MRPL13: variants seen among roughly 807,000 people sequenced by gnomAD.
MRPL13 encodes the protein mitochondrial ribosomal protein L13.
Under a neutral mutation model 29.0 loss-of-function variants are expected in MRPL13, and 33 were observed. The ratio of observed to expected loss-of-function variants is 1.14; its 90% confidence interval spans 0.86 to 1.52. The LOEUF is 1.52. MRPL13 is among the 40% of genes most tolerant of loss of function. MRPL13 has a pLI of 0.00. For synonymous variants in MRPL13, 77 were observed against 68.4 expected (o/e 1.13, Z -0.62); for missense variants, 227 against 216.7 (o/e 1.05, Z -0.30).
In MRPL13 at chr8:120,433,369, G is replaced by A. The variant is rs375973858; in HGVS notation, c.152-1246C>T. 1.3e-3 allele frequency among the ~76,000 whole-genome samples: 191 copies of A among 152,194 alleles called. 1 individual carries two copies. Among genetic ancestry groups the A allele is most frequent in the African/African-American group, 4.4e-3 (181 of 41,554 alleles). On this transcript the variant is annotated intron_variant, in intron 2 of 6. Coordinates refer to ENST00000306185, the MANE Select transcript of MRPL13 (RefSeq NM_014078.6). ...GCAGAAGAAGATTAAGTGATTTGCA[G>A]AGGCTCACACGCTAAGTTACCTAAC...
chr8:120,425,160 T>G, intron 4 of MRPL13, 146 bp downstream of exon 4: 1 of 532,988 alleles, frequency 1.9e-6, no homozygotes, highest in Non-Finnish European at 3.2e-6. Context: ...AAAATAATAC[T>G]TATCAAAACG....
intron 6 of MRPL13, among the ~76,000 whole-genome samples, chr8:120,411,658 CTATT>C (rs1208733218): frequency 6.6e-6 from 1 of 152,110 alleles, no homozygotes; most frequent in African/African-American, 2.4e-5. Flanking sequence ...ATGCGTGTGA[CTATT>C]TATGAGGAAA....
intron 6 of MRPL13, among the ~76,000 whole-genome samples, chr8:120,400,884 C>T (rs1218696904): frequency 6.6e-6 from 1 of 151,728 alleles, no homozygotes; most frequent in African/African-American, 2.4e-5. Context: ...GCTCTATACA[C>T]ATAAAGTAGA....
intron 6 of MRPL13, among the ~76,000 whole-genome samples, chr8:120,398,193 A>G (rs1305390752): frequency 6.6e-6 from 1 of 152,192 alleles, no homozygotes; most frequent in African/African-American, 2.4e-5. Flanking sequence ...TGACTGGGTG[A>G]GACCTCCCAA....
At chr8:120,414,745 T>C (rs1443923028) in intron 5 of MRPL13, 1 of 152,246 alleles carries the variant, frequency 6.6e-6, no homozygotes, top group African/African-American at 2.4e-5. Context: ...GACACAACCA[T>C]GGTTTCTGTC....
At chr8:120,422,826 T>C (rs931568085) in intron 4 of MRPL13, among the ~76,000 whole-genome samples, 7 of 151,788 alleles carry the variant, frequency 4.6e-5, no homozygotes, top group Non-Finnish European at 7.4e-5. Flanking sequence ...TATAGCCCAA[T>C]TCACTTAGCC....
At position 120,440,701 on chromosome 8, in the gene MRPL13, A is replaced by G. The variant is rs534457399; in HGVS notation, c.151+2484T>C. Among the ~76,000 whole-genome samples, 90 of 151,754 alleles carry G rather than the reference A, an allele frequency of 5.9e-4. 1 individual carries two copies. The highest frequency in any genetic ancestry group is 2.0e-3 in the African/African-American group (85 of 41,494). ...GAGTGGATTGACAGAAACAATTAAT[A>G]GTAAAAAAATAAATAAAATAATAAT... On this transcript the variant is annotated intron_variant, in intron 2 of 6. Coordinates refer to ENST00000306185, the MANE Select transcript of MRPL13 (RefSeq NM_014078.6).
intron 6 of MRPL13, among the ~76,000 whole-genome samples, chr8:120,407,551 C>A (rs1241996521): frequency 6.6e-6 from 1 of 152,018 alleles, no homozygotes; most frequent in East Asian, 1.9e-4. Context: ...GAGGATGAGG[C>A]AGGAGAATTG....
At position 120,395,954 on chromosome 8, in the gene MRPL13, T is replaced by C. The variant is rs1812517837; in HGVS notation, c.*150A>G. 1 of 591,144 alleles carries C rather than the reference T, an allele frequency of 1.7e-6. No individual in the cohort carries two copies. The highest frequency in any genetic ancestry group is 3.0e-6 in the Non-Finnish European group (1 of 333,586). The allele number at this position is 591,144 out of a possible 1,614,324, so 36.6% of individuals were successfully genotyped here. A position where few individuals can be genotyped will look rare whatever the true frequency, so the allele number is the denominator to read the frequency against. On this transcript the variant is annotated 3_prime_UTR_variant, in exon 7 of 7. Transcript: ENST00000306185. ...TAATTACAATTTCCTATTGAAGGAC[T>C]ATACCTTCCTGACCTTTCCCCACAG...
chr8:120,407,653 CAAAACAA>C (rs1812690775), intron 6 of MRPL13, among the ~76,000 whole-genome samples: 1 of 119,544 alleles, frequency 8.4e-6, no homozygotes, highest in Non-Finnish European at 1.6e-5. Flanking sequence ...CCATCTAAAA[CAAAACAA>C]AACAAAACAA....
At chr8:120,437,026 T>C (rs144453143) in intron 2 of MRPL13, among the ~76,000 whole-genome samples, 2 of 152,260 alleles carry the variant, frequency 1.3e-5, no homozygotes, top group African/African-American at 4.8e-5. Context: ...GTTTAATTTA[T>C]TGACAATATC....
intron 3 of MRPL13, among the ~76,000 whole-genome samples, chr8:120,431,030 C>A (rs76735230): frequency 6.6e-6 from 1 of 152,008 alleles, no homozygotes; most frequent in African/African-American, 2.4e-5. Flanking sequence ...TTACTAAAGA[C>A]GGATGTAAAT....
chr8:120,426,514 C>T (rs1419138809), intron 3 of MRPL13, among the ~76,000 whole-genome samples: 1 of 152,064 alleles, frequency 6.6e-6, no homozygotes, highest in East Asian at 1.9e-4. Context: ...AAATATTTTA[C>T]AATTTCTATG....
chr8:120,401,074 AAAG>A (rs1178541915), intron 6 of MRPL13, among the ~76,000 whole-genome samples: 4 of 152,310 alleles, frequency 2.6e-5, no homozygotes, highest in African/African-American at 9.6e-5. Context: ...CCAGAGGTAT[AAAG>A]AAGAGCTGGT....
chr8:120,434,868 C>T (rs1471167572), intron 2 of MRPL13, among the ~76,000 whole-genome samples: 1 of 152,132 alleles, frequency 6.6e-6, no homozygotes, highest in African/African-American at 2.4e-5. Context: ...AAATGGCAAA[C>T]TCTACTTTGT....
chr8:120,443,778 CAGG>C (rs1014729514), intron 1 of MRPL13, among the ~76,000 whole-genome samples: 3 of 152,058 alleles, frequency 2.0e-5, no homozygotes, highest in African/African-American at 7.2e-5. Flanking sequence ...GAAGACGATT[CAGG>C]AGTTCAATTC....
At chr8:120,416,321 C>T (rs1264302656) in intron 5 of MRPL13, among the ~76,000 whole-genome samples, 1 of 151,926 alleles carries the variant, frequency 6.6e-6, no homozygotes, top group Non-Finnish European at 1.5e-5. Context: ...GGTGAAACCC[C>T]GTCTCTACTA....
At chr8:120,435,019 G>C (rs1813037499) in intron 2 of MRPL13, among the ~76,000 whole-genome samples, 1 of 152,140 alleles carries the variant, frequency 6.6e-6, no homozygotes, top group Admixed American at 6.5e-5. Flanking sequence ...GAGATACTCA[G>C]ATTCCATGCA....
chr8:120,444,590 C>T (rs1435511508), intron 1 of MRPL13, among the ~76,000 whole-genome samples: 2 of 152,128 alleles, frequency 1.3e-5, no homozygotes, highest in African/African-American at 4.8e-5. Context: ...ATTACTGTAA[C>T]ACCCTCCAAA....
Sources: gnomAD v4.1 joint callset for allele counts (sites outside exome capture counted in the v4.1 genomes callset) on GRCh38, gnomAD v4.1.1 for gene constraint, MANE v1.5 for transcripts, NCBI Gene and HGNC (gene_info 2026-07-23, HGNC 2026-07-21) for gene names.